The following MS4A3 variants were observed in gnomAD, a reference collection of about 807,000 sequenced individuals.
MS4A3 encodes the protein membrane-spanning 4-domains subfamily A member 3.
A neutral mutation model predicts 24.7 loss-of-function variants in MS4A3; 18 were observed. That is an observed-to-expected ratio of 0.73 (90% CI 0.50 to 1.08). MS4A3 has a LOEUF of 1.08. Among genes scored for constraint, MS4A3 ranks in the 50% least tolerant of loss-of-function variants. The probability of loss-of-function intolerance (pLI) is 0.00; values close to 1 mark genes in which losing one functional copy is unlikely to be tolerated. For missense variants in MS4A3, 282 were observed against 251.7 expected, an observed-to-expected ratio of 1.12 and a Z score of -0.82; for synonymous variants, 84 against 95.3, an observed-to-expected ratio of 0.88 and a Z score of 0.69.
chr11:60,068,317 G>T (rs1209253702), intron 5 of MS4A3, among the ~76,000 whole-genome samples: 2 of 137,382 alleles, frequency 1.5e-5, no homozygotes, highest in Admixed American at 8.0e-5. Context: ...TCGGCTCACT[G>T]CAAGCTCCGC....
At chr11:60,063,939 C>T (rs928408178) in intron 3 of MS4A3, among the ~76,000 whole-genome samples, 1 of 151,940 alleles carries the variant, frequency 6.6e-6, no homozygotes, top group Non-Finnish European at 1.5e-5. Flanking sequence ...GTGATGGGTG[C>T]ACCAAAATCT....
intron 5 of MS4A3, among the ~76,000 whole-genome samples, chr11:60,067,739 A>G (rs1242367638): frequency 1.3e-5 from 2 of 152,012 alleles, no homozygotes; most frequent in Non-Finnish European, 2.9e-5. Context: ...TACACTCCCC[A>G]GAGAGATTTT....
chr11:60,057,916 A>G (rs948630040), intron 1 of MS4A3, among the ~76,000 whole-genome samples: 4 of 152,164 alleles, frequency 2.6e-5, no homozygotes, highest in Admixed American at 1.3e-4. Context: ...GGTATTTTCC[A>G]TCATCATTTA....
Position 60,070,207 on chromosome 11 carries a change from A to T in MS4A3, c.619A>T (p.Ile207Phe), listed in dbSNP as rs779027084. The T allele has an allele frequency of 3.1e-6, 5 of 1,602,222 alleles. No homozygotes were observed. The highest frequency in any genetic ancestry group is 4.3e-6 in the Non-Finnish European group (5 of 1,170,320). Residue 207 changes from isoleucine (I) to phenylalanine (F), a missense_variant, in exon 7 of 7, where the codon ATT (isoleucine) becomes TTT (phenylalanine). Transcript: ENST00000278865. ...NANCCNSREE[I>F]SSPPNSV is the part of the protein sequence containing the mutation. Reference sequence around the variant, plus strand: ...TTAATGTTGTTTTATTTTCTAGGAAATTTCCTCACCTCCCAATTCTGTGTA... The same window carrying T: ...TTAATGTTGTTTTATTTTCTAGGAATTTTCCTCACCTCCCAATTCTGTGTA...
chr11:60,060,696 A>G (rs547735732), intron 1 of MS4A3, among the ~76,000 whole-genome samples: 1 of 152,286 alleles, frequency 6.6e-6, no homozygotes, highest in East Asian at 1.9e-4. Flanking sequence ...AAGTATATTA[A>G]TACATTCACA....
intron 1 of MS4A3, among the ~76,000 whole-genome samples, chr11:60,057,761 A>T (rs1457736579): frequency 2.6e-5 from 4 of 152,156 alleles, no homozygotes; most frequent in Non-Finnish European, 5.9e-5. Context: ...TAGAAAACAT[A>T]GTTTGTTTCA....
At chr11:60,059,668 A>G (rs1855241617) in intron 1 of MS4A3, among the ~76,000 whole-genome samples, 1 of 152,204 alleles carries the variant, frequency 6.6e-6, no homozygotes, top group Non-Finnish European at 1.5e-5. Context: ...CTTTCTAAGG[A>G]TAATGGCTTC....
Position 60,069,409 on chromosome 11 carries a change from A to C in MS4A3, c.514-165A>C, listed in dbSNP as rs1855436766. On this transcript the variant is annotated intron_variant, in intron 5 of 6. Coordinates refer to ENST00000278865, the MANE Select transcript of MS4A3 (RefSeq NM_006138.5). ...AATGTTTTCATGCTTTTAGATTGAG[A>C]TACTATCTCTTCTACAGTGTTATAT... The C allele has an allele frequency of 6.0e-6, 3 of 502,530 alleles. No homozygotes were observed. In the East Asian group the frequency reaches 9.4e-5, roughly 16 times the overall value. 31.1% of individuals were successfully genotyped at this position (502,530 alleles called of 1,614,324 possible).
At chr11:60,064,190 G>T in intron 3 of MS4A3, 72 bp from the exon 4 acceptor site, 1 of 1,155,140 alleles carries the variant, frequency 8.7e-7, no homozygotes, top group Non-Finnish European at 1.2e-6. Flanking sequence ...TCTGCTAATT[G>T]AGGGAGGACC....
At chr11:60,063,998 T>A (rs148512236) in intron 3 of MS4A3, among the ~76,000 whole-genome samples, 2,790 of 151,584 alleles carry the variant, frequency 0.018, 44 homozygotes, top group Middle Eastern at 0.058. Context: ...CACCACCTGT[T>A]CCCCAATAAC....
At chr11:60,061,043 T>C in intron 1 of MS4A3, 103 bp from the exon 2 acceptor site, 1 of 983,668 alleles carries the variant, frequency 1.0e-6, no homozygotes, top group Non-Finnish European at 1.5e-6. Flanking sequence ...GGAGAGTCAT[T>C]GTAATGTATG....
intron 3 of MS4A3, 197 bp downstream of exon 3, chr11:60,062,802 AT>A: frequency 2.8e-6 from 1 of 356,146 alleles, no homozygotes; most frequent in Non-Finnish European, 4.6e-6. Context: ...TAATTAATTT[AT>A]TTTTTGAGAC....
At chr11:60,057,651 G>A (rs1166738353) in intron 1 of MS4A3, among the ~76,000 whole-genome samples, 1 of 152,044 alleles carries the variant, frequency 6.6e-6, no homozygotes, top group Non-Finnish European at 1.5e-5. Flanking sequence ...AGATCCTCCC[G>A]CCTCTGCCTC....
intron 2 of MS4A3, 90 bp downstream of exon 2, chr11:60,061,406 T>A: frequency 7.0e-7 from 1 of 1,431,084 alleles, no homozygotes; most frequent in Non-Finnish European, 9.5e-7. Context: ...ACTGTGAGGA[T>A]TCCCTTACAT....
chr11:60,069,522 T>G, intron 5 of MS4A3, 52 bp from the exon 6 acceptor site: 1 of 1,290,940 alleles, frequency 7.7e-7, no homozygotes, highest in African/African-American at 1.5e-5. Flanking sequence ...CATTTTTTTT[T>G]TTACCTCTGG....
At chr11:60,067,821 G>A (rs1855392025) in intron 5 of MS4A3, among the ~76,000 whole-genome samples, 2 of 151,748 alleles carry the variant, frequency 1.3e-5, no homozygotes, top group Admixed American at 1.3e-4. Context: ...GCCGAGGCAG[G>A]CGGATCACGA....
At position 60,069,576 on chromosome 11, in the gene MS4A3, C is replaced by T. The variant is rs1436789040; in HGVS notation, c.516C>T (p.Gly172=). ...LCNYMGSISN[G]MVSLLLILTL... ...ATATAAGGCATCATATCCCCTAGGG[C>T]ATGGTGTCTCTACTGCTGATTCTCA... Residue 172 remains glycine (G), a splice_region_variant and synonymous_variant, in exon 6 of 7, where the codon GGC becomes GGT. Transcript: ENST00000278865. 6.2e-7 allele frequency: 1 copy of T among 1,608,204 alleles called. No individual in the cohort carries two copies. Among genetic ancestry groups the T allele is most frequent in the East Asian group, 2.2e-5 (1 of 44,800 alleles).
At chr11:60,057,982 G>A (rs1855199152) in intron 1 of MS4A3, among the ~76,000 whole-genome samples, 1 of 152,162 alleles carries the variant, frequency 6.6e-6, no homozygotes, top group African/African-American at 2.4e-5. Flanking sequence ...GAACATGTGT[G>A]TTAACTGAGT....
intron 5 of MS4A3, 136 bp from the exon 6 acceptor site, chr11:60,069,438 T>G (rs1855437662): frequency 4.7e-6 from 3 of 643,504 alleles, no homozygotes; most frequent in Non-Finnish European, 8.4e-6. Flanking sequence ...GTTATATGTG[T>G]CTCTGTCTTT....
Sources: gnomAD v4.1 joint callset for allele counts (sites outside exome capture counted in the v4.1 genomes callset) on GRCh38, gnomAD v4.1.1 for gene constraint, MANE v1.5 for transcripts, NCBI Gene and HGNC (gene_info 2026-07-23, HGNC 2026-07-21) for gene names.